The following USP15 variants were observed in gnomAD, a reference collection of about 807,000 sequenced individuals.
USP15 encodes the protein ubiquitin carboxyl-terminal hydrolase 15.
In USP15, 18 loss-of-function variants were observed where a neutral mutation model predicts 127.1. That is an observed-to-expected ratio of 0.14 (90% CI 0.10 to 0.21). USP15 has a LOEUF of 0.21. Among genes scored for constraint, USP15 ranks in the 10% least tolerant of loss-of-function variants. The probability of loss-of-function intolerance (pLI) is 1.00; values close to 1 mark genes in which losing one functional copy is unlikely to be tolerated. For synonymous variants in USP15, 364 were observed against 393.7 expected (o/e 0.92, Z 0.89); for missense variants, 805 against 1,159.9 (o/e 0.69, Z 4.44).
intron 6 of USP15, among the ~76,000 whole-genome samples, chr12:62,337,644 C>G (rs2065511799): frequency 6.6e-6 from 1 of 151,572 alleles, no homozygotes; most frequent in Non-Finnish European, 1.5e-5. Context: ...CCCCACCCCC[C>G]AACAGGCCCT....
chr12:62,327,654 C>G (rs2065165452), intron 6 of USP15: 1 of 437,480 alleles, frequency 2.3e-6, no homozygotes, highest in Non-Finnish European at 4.5e-6. Flanking sequence ...CTTTTATTCC[C>G]TAATAGCACA....
At chr12:62,334,531 GAACTGAACT>G (rs1456226747) in intron 6 of USP15, among the ~76,000 whole-genome samples, 1 of 152,124 alleles carries the variant, frequency 6.6e-6, no homozygotes, top group East Asian at 1.9e-4. Context: ...AAATGCTGTT[GAACTGAACT>G]AATCTGTATC....
At chr12:62,271,801 A>G (rs2063350901) in intron 1 of USP15, among the ~76,000 whole-genome samples, 1 of 151,982 alleles carries the variant, frequency 6.6e-6, no homozygotes, top group Admixed American at 6.6e-5. Flanking sequence ...TTTAAAAACA[A>G]TCTTACTTGG....
At chr12:62,290,910 T>A (rs1010989684) in intron 1 of USP15, among the ~76,000 whole-genome samples, 1 of 152,174 alleles carries the variant, frequency 6.6e-6, no homozygotes, top group African/African-American at 2.4e-5. Context: ...TGACAGTTTT[T>A]TTTTTCTTTA....
chr12:62,269,191 G>C (rs996791643), intron 1 of USP15, among the ~76,000 whole-genome samples: 7 of 151,944 alleles, frequency 4.6e-5, no homozygotes, highest in African/African-American at 1.7e-4. Flanking sequence ...TCTTAAGGGG[G>C]TACTTACACA....
intron 2 of USP15, among the ~76,000 whole-genome samples, chr12:62,298,323 G>A (rs951038426): frequency 2.0e-5 from 3 of 152,076 alleles, no homozygotes; most frequent in Non-Finnish European, 2.9e-5. Context: ...ACAGGAGTTC[G>A]AGATCAGCTT....
rs188647351 is a variant in USP15, at chr12:62,405,511, A to G, written c.*1136A>G. On this transcript the variant is annotated 3_prime_UTR_variant, in exon 22 of 22. Coordinates refer to ENST00000280377, the MANE Select transcript of USP15 (RefSeq NM_001252078.2). Reference sequence around the variant, plus strand: ...AGTATATAAAGCATAAACACCTTGAATTTGATTTTAGTTCACCACATTCAA... The same window carrying G: ...AGTATATAAAGCATAAACACCTTGAGTTTGATTTTAGTTCACCACATTCAA... The G allele has an allele frequency of 2.0e-5, 3 of 152,586 alleles. No homozygotes were observed. The highest frequency in any genetic ancestry group is 2.4e-5 in the African/African-American group (1 of 41,458). The allele number at this position is 152,586 out of a possible 1,614,324, so 9.5% of individuals were successfully genotyped here.
intron 1 of USP15, among the ~76,000 whole-genome samples, chr12:62,266,704 A>G (rs1196978488): frequency 6.6e-6 from 1 of 152,102 alleles, no homozygotes; most frequent in African/African-American, 2.4e-5. Context: ...GTGCATTACG[A>G]GATTTGATCC....
At chr12:62,291,886 T>C (rs371833543) in intron 1 of USP15, among the ~76,000 whole-genome samples, 5 of 152,216 alleles carry the variant, frequency 3.3e-5, no homozygotes, top group East Asian at 3.8e-4. Flanking sequence ...TCAAGAAGTG[T>C]ATCTTGTTCC....
intron 1 of USP15, among the ~76,000 whole-genome samples, chr12:62,268,792 A>G (rs1033693746): frequency 5.9e-5 from 9 of 152,114 alleles, no homozygotes; most frequent in Admixed American, 6.6e-5. Context: ...GCCCACTTAA[A>G]GTGGACAGTT....
chr12:62,346,681 T>C (rs185828373), intron 6 of USP15, among the ~76,000 whole-genome samples: 44 of 152,332 alleles, frequency 2.9e-4, no homozygotes, highest in Non-Finnish European at 5.6e-4. Context: ...TAAAAGTTCC[T>C]AGAATAGAAA....
chr12:62,276,381 A>G (rs35533759), intron 1 of USP15, among the ~76,000 whole-genome samples: 9,399 of 152,170 alleles, frequency 0.062, 402 homozygotes, highest in Middle Eastern at 0.11. Flanking sequence ...TAGTATTTAG[A>G]TGAATTTTAG....
At chr12:62,383,196 TAAC>T (rs1456735832) in intron 9 of USP15, among the ~76,000 whole-genome samples, 1 of 151,886 alleles carries the variant, frequency 6.6e-6, no homozygotes, top group Non-Finnish European at 1.5e-5. Context: ...AACACTGAAA[TAAC>T]AACTACTGAA....
intron 20 of USP15, 89 bp downstream of exon 20, chr12:62,396,487 A>T: frequency 9.2e-7 from 1 of 1,090,188 alleles, no homozygotes. Flanking sequence ...CTTCTTAAGG[A>T]TAAAATATCA....
chr12:62,297,472 A>C (rs1437541281), intron 2 of USP15, among the ~76,000 whole-genome samples: 1 of 152,200 alleles, frequency 6.6e-6, no homozygotes, highest in Non-Finnish European at 1.5e-5. Context: ...AACTCAAGGA[A>C]GAGGGAGACA....
Position 62,319,362 on chromosome 12 carries a change from G to C in USP15, c.476-2102G>C, listed in dbSNP as rs1369394168. On this transcript the variant is annotated intron_variant, in intron 4 of 21. Transcript: ENST00000280377. ...GGCATGAGATTTGGGTGGGGACACA[G>C]AGCCAAACCTTATCAGACCTTCTGC... Among the ~76,000 whole-genome samples, 3 of 152,100 alleles carry C rather than the reference G, an allele frequency of 2.0e-5. 1 individual carries two copies. The highest frequency in any genetic ancestry group is 2.0e-4 in the Admixed American group (3 of 15,268).
At chr12:62,377,570 A>C (rs1463823464) in intron 8 of USP15, among the ~76,000 whole-genome samples, 2 of 152,016 alleles carry the variant, frequency 1.3e-5, no homozygotes, top group East Asian at 3.9e-4. Context: ...AAATACAAAA[A>C]TTAGCCAGGC....
At chr12:62,397,237 G>T (rs2067521198) in intron 20 of USP15, among the ~76,000 whole-genome samples, 1 of 152,294 alleles carries the variant, frequency 6.6e-6, no homozygotes, top group African/African-American at 2.4e-5. Flanking sequence ...TTGGAATAAA[G>T]ATTAGAGTCA....
At chr12:62,355,930 G>C (rs1171004177) in intron 8 of USP15, among the ~76,000 whole-genome samples, 1 of 150,102 alleles carries the variant, frequency 6.7e-6, no homozygotes, top group Admixed American at 6.7e-5. Flanking sequence ...TCCCTTAAAG[G>C]TCTTTTAATT....
Sources: allele counts gnomAD v4.1 joint callset (sites outside exome capture counted in the v4.1 genomes callset), GRCh38; gene constraint gnomAD v4.1.1; transcripts MANE v1.5; gene names NCBI Gene and HGNC (gene_info 2026-07-23, HGNC 2026-07-21).